Variants in DMXL1 observed in about 807,000 individuals in gnomAD.
DMXL1 encodes the protein Dmx like 1.
A neutral mutation model predicts 319.2 loss-of-function variants in DMXL1; 99 were observed. That is an observed-to-expected ratio of 0.31 (90% CI 0.26 to 0.37). DMXL1 has a LOEUF of 0.37. Ranked by LOEUF, DMXL1 falls within the 10% of genes least tolerant of loss-of-function variation. The pLI is 1.00. For synonymous variants in DMXL1, 1,385 were observed against 1,235.2 expected (o/e 1.12, Z -2.54); for missense variants, 3,745 against 3,595.6 (o/e 1.04, Z -1.06).
At chr5:119,110,748 G>A (rs111825015) in intron 5 of DMXL1, among the ~76,000 whole-genome samples, 4,632 of 152,232 alleles carry the variant, frequency 0.03, 217 homozygotes, top group African/African-American at 0.11. Flanking sequence ...ATGAAGATTT[G>A]CAGTATAGTA....
At chr5:119,134,659 A>G (rs141349033) in intron 13 of DMXL1, among the ~76,000 whole-genome samples, 78 of 152,356 alleles carry the variant, frequency 5.1e-4, no homozygotes, top group African/African-American at 1.8e-3. Context: ...AGGACTACTG[A>G]CAGTATAATG....
At chr5:119,072,577 C>G (rs1404462915) in intron 1 of DMXL1, among the ~76,000 whole-genome samples, 1 of 152,118 alleles carries the variant, frequency 6.6e-6, no homozygotes, top group Non-Finnish European at 1.5e-5. Flanking sequence ...GTATAAGTGA[C>G]ACAAAGTAAA....
In DMXL1 at chr5:119,247,501, T is replaced by G. The variant is rs1273211767; in HGVS notation, c.*282T>G. ...ATAGTGTTAAAGGTGTTTTGTTTTC[T>G]TATTGATACTTTTCCACAGGCATCT... is the stretch of plus-strand genomic sequence containing the variant. On this transcript the variant is annotated 3_prime_UTR_variant, in exon 44 of 44. Coordinates refer to ENST00000539542, the MANE Select transcript of DMXL1 (RefSeq NM_001290321.3). 5.1e-6 allele frequency: 1 copy of G among 196,608 alleles called. No individual in the cohort carries two copies. The highest frequency in any genetic ancestry group is 2.3e-5 in the African/African-American group (1 of 43,068). The allele number at this position is 196,608 out of a possible 1,614,324, so 12.2% of individuals were successfully genotyped here.
chr5:119,128,693 A>C (rs1764146519), intron 9 of DMXL1, among the ~76,000 whole-genome samples: 1 of 152,158 alleles, frequency 6.6e-6, no homozygotes, highest in African/African-American at 2.4e-5. Flanking sequence ...GAGGCTATGC[A>C]TATGTAGGAT....
At chr5:119,101,284 C>T (rs1003772477) in intron 2 of DMXL1, among the ~76,000 whole-genome samples, 14 of 152,066 alleles carry the variant, frequency 9.2e-5, no homozygotes, top group Admixed American at 6.6e-5. Context: ...CATTTCTTAC[C>T]TTCTCTTTAC....
intron 13 of DMXL1, among the ~76,000 whole-genome samples, chr5:119,136,873 A>G (rs1474414006): frequency 6.6e-6 from 1 of 152,278 alleles, no homozygotes; most frequent in African/African-American, 2.4e-5. Flanking sequence ...CGAAGCCCTC[A>G]TGGAAAACTT....
intron 29 of DMXL1, among the ~76,000 whole-genome samples, chr5:119,190,777 T>G (rs891886795): frequency 1.3e-5 from 2 of 152,182 alleles, no homozygotes; most frequent in African/African-American, 2.4e-5. Flanking sequence ...AAAGTAGTTG[T>G]GATAAAATGA....
chr5:119,124,893 T>G (rs181261926), intron 9 of DMXL1, among the ~76,000 whole-genome samples: 1 of 152,242 alleles, frequency 6.6e-6, no homozygotes, highest in African/African-American at 2.4e-5. Flanking sequence ...TGTGGATCAG[T>G]TTAAAATTTG....
intron 25 of DMXL1, among the ~76,000 whole-genome samples, chr5:119,174,050 A>C (rs1240762724): frequency 6.6e-6 from 1 of 151,882 alleles, no homozygotes; most frequent in Non-Finnish European, 1.5e-5. Context: ...AGCTCAGTGC[A>C]GTTAGATGCG....
intron 7 of DMXL1, 92 bp downstream of exon 7, chr5:119,116,428 C>T (rs927309159): frequency 2.2e-6 from 3 of 1,344,168 alleles, no homozygotes; most frequent in Non-Finnish European, 2.1e-6. Flanking sequence ...TCCATAGTTA[C>T]AGGACTTCTG....
At chr5:119,119,084 TA>T (rs933756895) in intron 8 of DMXL1, 80 bp downstream of exon 8, 1 of 883,304 alleles carries the variant, frequency 1.1e-6, no homozygotes. Context: ...AGTAATGTTA[TA>T]AAAAAACTAT....
At chr5:119,138,163 G>A (rs763592845) in intron 13 of DMXL1, among the ~76,000 whole-genome samples, 2 of 152,172 alleles carry the variant, frequency 1.3e-5, no homozygotes, top group Non-Finnish European at 2.9e-5. Context: ...ATAGCAAGTG[G>A]TAATGGCAGA....
At chr5:119,143,351 A>G (rs1169712572) in intron 13 of DMXL1, among the ~76,000 whole-genome samples, 1 of 152,046 alleles carries the variant, frequency 6.6e-6, no homozygotes, top group African/African-American at 2.4e-5. Context: ...GATTACCAAG[A>G]TCAGATACTG....
intron 9 of DMXL1, among the ~76,000 whole-genome samples, chr5:119,128,951 C>T (rs1764204634): frequency 6.6e-6 from 1 of 151,982 alleles, no homozygotes; most frequent in Non-Finnish European, 1.5e-5. Context: ...GTAATCACAG[C>T]TACTCGGGAG....
intron 43 of DMXL1, among the ~76,000 whole-genome samples, chr5:119,245,358 T>A (rs904212978): frequency 6.6e-6 from 1 of 152,194 alleles, no homozygotes; most frequent in Non-Finnish European, 1.5e-5. Flanking sequence ...ATGGGTTTTT[T>A]AAAACCAGCA....
intron 1 of DMXL1, among the ~76,000 whole-genome samples, chr5:119,076,793 A>G (rs1750979751): frequency 6.6e-6 from 1 of 152,184 alleles, no homozygotes; most frequent in African/African-American, 2.4e-5. Flanking sequence ...GAAATTTAGA[A>G]TATTTGAGAA....
chr5:119,149,785 C>T lies in DMXL1; in HGVS notation c.3958C>T (p.Pro1320Ser), dbSNP rs1375155677. The stretch of plus-strand genomic sequence containing the variant: ...TTTTGAAGCAGCTCATGTACTTTCC[C>T]CGACTCTACCTCAGTATCATCCCTT... ...GLFEAAHVLS[P>S]TLPQYHPLQL... The change falls in exon 18 of 44, where the codon CCG (proline) becomes TCG (serine). Residue 1320 changes from proline to serine, a missense_variant. Physicochemically the swap from Pro to Ser is moderately conservative, Grantham distance 74 (BLOSUM62 -1). Around this residue, in one of 4 missense-constraint regions of DMXL1, gnomAD observed 2,096 missense variants for 1,985.4 expected, o/e 1.06. Transcript: ENST00000539542. 1 of 1,613,936 alleles carries T rather than the reference C, an allele frequency of 6.2e-7. No individual in the cohort carries two copies. The highest frequency in any genetic ancestry group is 2.2e-5 in the East Asian group (1 of 44,872).
At chr5:119,180,816 CA>C (rs1776649057) in intron 28 of DMXL1, among the ~76,000 whole-genome samples, 1 of 151,896 alleles carries the variant, frequency 6.6e-6, no homozygotes, top group African/African-American at 2.4e-5. Context: ...TAAAAATTGG[CA>C]AATTAATTTT....
In DMXL1 at chr5:119,247,955, T is replaced by A. The variant is rs982152804; in HGVS notation, c.*736T>A. On this transcript the variant is annotated 3_prime_UTR_variant, in exon 44 of 44. Transcript: ENST00000539542. The stretch of plus-strand genomic sequence containing the variant: ...TTTTTGCAACTGTGCTTTTCATTTT[T>A]AAAAAATTTTTGAATTCCCATCCTA... 5 of 152,082 alleles carry A rather than the reference T, an allele frequency of 3.3e-5. No individual in the cohort carries two copies. The highest frequency in any genetic ancestry group is 3.3e-4 in the Admixed American group (5 of 15,268). 9.4% of individuals were successfully genotyped at this position (152,082 alleles called of 1,614,324 possible).
Sources: allele counts gnomAD v4.1 joint callset (sites outside exome capture counted in the v4.1 genomes callset), GRCh38; gene constraint gnomAD v4.1.1; regional missense constraint gnomAD v4.1.1; transcripts MANE v1.5; gene names NCBI Gene and HGNC (gene_info 2026-07-23, HGNC 2026-07-21).